Variants in GRIA2 observed in about 807,000 individuals in gnomAD.
The protein encoded by GRIA2 is glutamate ionotropic receptor AMPA type subunit 2.
A neutral mutation model predicts 97.3 loss-of-function variants in GRIA2; 14 were observed. The observed-to-expected ratio is 0.14, with a 90% CI of 0.10 to 0.23. GRIA2 has a LOEUF of 0.23. Among genes scored for constraint, GRIA2 ranks in the 10% least tolerant of loss-of-function variants. The pLI is 1.00. For missense variants in GRIA2, 558 were observed against 1,069.8 expected (o/e 0.52, Z 6.67); for synonymous variants, 412 against 387.8 (o/e 1.06, Z -0.73).
rs1475489528 is a variant in GRIA2, at chr4:157,226,880, T to G, written c.229+5073T>G. ...AGGGACACAATACCGTAAAAGCTGGTGTTGTAAATATTCAGTTATATTCAA... is the reference window on the plus strand; with the variant it reads ...AGGGACACAATACCGTAAAAGCTGGGGTTGTAAATATTCAGTTATATTCAA... On this transcript the variant is annotated intron_variant, in intron 2 of 15. Coordinates refer to ENST00000264426, the MANE Select transcript of GRIA2 (RefSeq NM_001083619.3). Among the ~76,000 whole-genome samples the G allele has an allele frequency of 1.3e-5, 2 of 152,110 alleles. 1 individual carries two copies. The highest frequency in any genetic ancestry group is 4.8e-5 in the African/African-American group (2 of 41,432).
chr4:157,330,317 A>G (rs542706289), intron 6 of GRIA2, among the ~76,000 whole-genome samples: 2 of 151,958 alleles, frequency 1.3e-5, no homozygotes, highest in Non-Finnish European at 2.9e-5. Flanking sequence ...TGTTAAAGAA[A>G]ATTTCTGAAA....
At chr4:157,280,003 T>C (rs970624735) in intron 2 of GRIA2, among the ~76,000 whole-genome samples, 2 of 152,094 alleles carry the variant, frequency 1.3e-5, no homozygotes, top group African/African-American at 2.4e-5. Flanking sequence ...TGTGCACCTG[T>C]AGTCCCAGAT....
chr4:157,233,910 A>G (rs1337151121), intron 2 of GRIA2, among the ~76,000 whole-genome samples: 2 of 152,086 alleles, frequency 1.3e-5, no homozygotes, highest in African/African-American at 4.8e-5. Flanking sequence ...AATTTATGTG[A>G]TTTGTTCTTA....
intron 2 of GRIA2, among the ~76,000 whole-genome samples, chr4:157,298,375 A>G (rs188146656): frequency 1.7e-3 from 259 of 152,224 alleles, no homozygotes; most frequent in African/African-American, 6.2e-3. Flanking sequence ...GTGATGGATG[A>G]CATGCATAGG....
intron 2 of GRIA2, among the ~76,000 whole-genome samples, chr4:157,277,426 T>C (rs1014357188): frequency 6.6e-6 from 1 of 151,896 alleles, no homozygotes; most frequent in Non-Finnish European, 1.5e-5. Flanking sequence ...GCTAATGCCA[T>C]ACTTATTGTG....
intron 2 of GRIA2, among the ~76,000 whole-genome samples, chr4:157,252,555 G>T (rs1218483271): frequency 2.0e-5 from 3 of 151,956 alleles, no homozygotes; most frequent in Non-Finnish European, 4.4e-5. Context: ...GAGGTGTGTG[G>T]TAATATTGAG....
intron 12 of GRIA2, among the ~76,000 whole-genome samples, chr4:157,355,981 T>TTA (rs1553958601): frequency 1.2e-4 from 9 of 74,016 alleles, no homozygotes; most frequent in African/African-American, 2.9e-4. Flanking sequence ...ATATATATAT[T>TTA]TATATATTTA....
In GRIA2 at chr4:157,361,848, T is replaced by C. The variant is rs892263159; in HGVS notation, c.2406+724T>C. Among the ~76,000 whole-genome samples, 3 of 152,182 alleles carry C rather than the reference T, an allele frequency of 2.0e-5. No homozygotes were observed. The highest frequency in any genetic ancestry group is 4.4e-5 in the Non-Finnish European group (3 of 68,040). ...TGTTGTTTTTATTTTATTTTAAATA[T>C]AGTATATGCATTTAATATATTTATT... On this transcript the variant is annotated intron_variant, in intron 14 of 15. Coordinates refer to ENST00000264426, the MANE Select transcript of GRIA2 (RefSeq NM_001083619.3). The surrounding 1 kb of genome is among the most constrained non-coding windows in gnomAD (Gnocchi z 5.2).
At chr4:157,282,929 GT>G (rs1732673352) in intron 2 of GRIA2, among the ~76,000 whole-genome samples, 1 of 151,982 alleles carries the variant, frequency 6.6e-6, no homozygotes, top group South Asian at 2.1e-4. Flanking sequence ...CTGACATAGA[GT>G]TTGCCTAGAT....
intron 12 of GRIA2, among the ~76,000 whole-genome samples, chr4:157,353,931 T>G (rs1228995405): frequency 6.6e-6 from 1 of 152,080 alleles, no homozygotes; most frequent in Non-Finnish European, 1.5e-5. Flanking sequence ...TAACCCTTTA[T>G]AAAAAACTAA....
intron 11 of GRIA2, among the ~76,000 whole-genome samples, chr4:157,340,919 T>A (rs1735520159): frequency 6.6e-6 from 1 of 152,052 alleles, no homozygotes; most frequent in Non-Finnish European, 1.5e-5. Flanking sequence ...CATTCTCTTG[T>A]TTATGTTTAC....
chr4:157,223,022 A>C (rs1383665815), intron 2 of GRIA2, among the ~76,000 whole-genome samples: 1 of 152,066 alleles, frequency 6.6e-6, no homozygotes, highest in Admixed American at 6.5e-5. Flanking sequence ...AATTTGGGGG[A>C]GATCTGCGGA....
At position 157,264,351 on chromosome 4, in the gene GRIA2, A is replaced by G. The variant is rs980434771; in HGVS notation, c.230-39201A>G. On this transcript the variant is annotated intron_variant, in intron 2 of 15. Transcript: ENST00000264426. ...CATTTCCTTGCCTTGTCCAACTTCTAGGGGTCACTTGCATGCCTTGGCTCA... is the reference window on the plus strand; with the variant it reads ...CATTTCCTTGCCTTGTCCAACTTCTGGGGGTCACTTGCATGCCTTGGCTCA... 2.6e-5 allele frequency among the ~76,000 whole-genome samples: 4 copies of G among 152,026 alleles called. No homozygotes were observed. The South Asian group carries it at 6.2e-4, about 24-fold the overall frequency.
chr4:157,292,231 C>G (rs1733138337), intron 2 of GRIA2, among the ~76,000 whole-genome samples: 1 of 151,976 alleles, frequency 6.6e-6, no homozygotes, highest in South Asian at 2.1e-4. Context: ...TTGCTTTCAT[C>G]TTCAGAAATA....
In GRIA2 at chr4:157,303,571, A is replaced by G; in HGVS notation, c.249A>G (p.Arg83=). 6.2e-7 allele frequency: 1 copy of G among 1,613,526 alleles called. No individual in the cohort carries two copies. Among genetic ancestry groups the G allele is most frequent in the Non-Finnish European group, 8.5e-7 (1 of 1,179,586 alleles). ...TTCTAGTCTGCTCCCAGTTTTCGAG[A>G]GGAGTCTATGCTATTTTTGGATTTT... ...VTNAFCSQFS[R]GVYAIFGFYD... Residue 83 remains arginine, a synonymous_variant, in exon 3 of 16, where the codon AGA becomes AGG. Coordinates refer to ENST00000264426, the MANE Select transcript of GRIA2 (RefSeq NM_001083619.3).
chr4:157,271,331 C>A (rs1000679750), intron 2 of GRIA2, among the ~76,000 whole-genome samples: 6 of 151,994 alleles, frequency 3.9e-5, no homozygotes, highest in African/African-American at 7.2e-5. Context: ...TGTTCCCCTC[C>A]CTGCTGCTGC....
chr4:157,256,966 T>G (rs1022214144), intron 2 of GRIA2, among the ~76,000 whole-genome samples: 11 of 152,002 alleles, frequency 7.2e-5, no homozygotes, highest in Non-Finnish European at 2.9e-5. Flanking sequence ...TCATTGTGAG[T>G]GTTGAGGTAT....
chr4:157,230,496 T>C (rs1207286847), intron 2 of GRIA2, among the ~76,000 whole-genome samples: 2 of 151,730 alleles, frequency 1.3e-5, no homozygotes, highest in South Asian at 2.1e-4. Flanking sequence ...AATTAATTCA[T>C]TCCTTCCTTC....
intron 5 of GRIA2, among the ~76,000 whole-genome samples, chr4:157,320,879 A>T (rs1392029732): frequency 1.3e-5 from 2 of 151,768 alleles, no homozygotes; most frequent in African/African-American, 4.8e-5. Flanking sequence ...CACAAGATAA[A>T]TTTTTTTTTA....
Sources: allele counts gnomAD v4.1 joint callset (sites outside exome capture counted in the v4.1 genomes callset), GRCh38; gene constraint gnomAD v4.1.1; non-coding constraint Gnocchi (gnomAD v3.1); transcripts MANE v1.5; gene names NCBI Gene and HGNC (gene_info 2026-07-23, HGNC 2026-07-21).